ARB2A: variants seen among roughly 807,000 people sequenced by gnomAD.
ARB2A encodes the protein ARB2 cotranscriptional regulator A.
At chr5:93,955,922 T>TA in the ARB2A span, among the ~76,000 whole-genome samples, 2 of 152,164 alleles carry the variant, frequency 1.3e-5, no homozygotes, top group African/African-American at 2.4e-5. Context: ...TGGAAATGCC[T>TA]AAAAAGGTGT....
At chr5:94,101,150 G>A in the ARB2A span, among the ~76,000 whole-genome samples, 1 of 152,006 alleles carries the variant, frequency 6.6e-6, no homozygotes, top group South Asian at 2.1e-4. Context: ...CAAAAGACAT[G>A]AACAGATACT....
chr5:93,715,334 A>AT, the ARB2A span, among the ~76,000 whole-genome samples: 2 of 152,340 alleles, frequency 1.3e-5, no homozygotes, highest in East Asian at 3.9e-4. Flanking sequence ...TTTAAAATTT[A>AT]TTACAAATAC....
At chr5:93,830,349 A>ATATG in the ARB2A span, among the ~76,000 whole-genome samples, 6 of 141,606 alleles carry the variant, frequency 4.2e-5, no homozygotes, top group East Asian at 1.2e-3. Flanking sequence ...ATATATATAT[A>ATATG]TATCCACACA....
the ARB2A span, among the ~76,000 whole-genome samples, chr5:93,852,140 G>A: frequency 6.6e-6 from 1 of 152,054 alleles, no homozygotes; most frequent in East Asian, 1.9e-4. Context: ...TTTAATGATT[G>A]CCATTCTAAC....
the ARB2A span, among the ~76,000 whole-genome samples, chr5:93,676,965 A>G: frequency 1.3e-5 from 2 of 152,150 alleles, no homozygotes; most frequent in East Asian, 1.9e-4. Flanking sequence ...TTCCTTCTGT[A>G]ACCTCAATAG....
chr5:93,956,089 C>T, the ARB2A span, among the ~76,000 whole-genome samples: 1 of 152,208 alleles, frequency 6.6e-6, no homozygotes, highest in Non-Finnish European at 1.5e-5. Context: ...AGAATATTAG[C>T]GATGGCAACC....
At chr5:94,100,217 T>A in the ARB2A span, among the ~76,000 whole-genome samples, 1 of 152,076 alleles carries the variant, frequency 6.6e-6, no homozygotes, top group Non-Finnish European at 1.5e-5. Context: ...TACCTAGGAA[T>A]GCAGTTAATC....
the ARB2A span, among the ~76,000 whole-genome samples, chr5:94,069,671 T>C: frequency 6.6e-6 from 1 of 152,070 alleles, no homozygotes; most frequent in Non-Finnish European, 1.5e-5. Context: ...AAATGGCCAA[T>C]AGGTATGTTA....
At chr5:94,004,998 C>CAAAAAAAAAAAAAAAAAAAAA in the ARB2A span, among the ~76,000 whole-genome samples, 8 of 12,552 alleles carry the variant, frequency 6.4e-4, 1 homozygote, top group Non-Finnish European at 1.1e-3. Flanking sequence ...ATTTTATCAG[C>CAAAAAAAAAAAAAAAAAAAAA]AAAAAAAAAA....
chr5:93,824,213 G>A, the ARB2A span: 1 of 1,593,504 alleles, frequency 6.3e-7, no homozygotes, highest in Non-Finnish European at 8.5e-7. Context: ...GCAGCAGCCT[G>A]AGCTATGAAA....
chr5:93,734,122 G>A, the ARB2A span: 1 of 152,116 alleles, frequency 6.6e-6, no homozygotes, highest in Non-Finnish European at 1.5e-5. Context: ...ATTTCTTAGA[G>A]AATAAGAAAA....
the ARB2A span, among the ~76,000 whole-genome samples, chr5:93,760,385 G>A: frequency 6.6e-6 from 1 of 152,112 alleles, no homozygotes; most frequent in Non-Finnish European, 1.5e-5. Context: ...ATTCTTCACA[G>A]AATTAGAAAA....
At chr5:94,107,025 A>G in the ARB2A span, among the ~76,000 whole-genome samples, 142 of 152,162 alleles carry the variant, frequency 9.3e-4, 1 homozygote, top group Non-Finnish European at 1.3e-3. Flanking sequence ...AAAACTACCT[A>G]TCGGGTCACT....
the ARB2A span, among the ~76,000 whole-genome samples, chr5:93,728,791 T>G: frequency 6.6e-6 from 1 of 152,086 alleles, no homozygotes; most frequent in African/African-American, 2.4e-5. Flanking sequence ...GAAGAATTAT[T>G]TTTTGTCTTG....
chr5:93,887,971 G>A, the ARB2A span, among the ~76,000 whole-genome samples: 14 of 151,812 alleles, frequency 9.2e-5, no homozygotes, highest in African/African-American at 3.1e-4. Flanking sequence ...TGTTCCCTTA[G>A]GAGTCTGTAA....
At chr5:93,740,736 C>G in the ARB2A span, 3 of 1,612,712 alleles carry the variant, frequency 1.9e-6, no homozygotes, top group Non-Finnish European at 2.5e-6. Flanking sequence ...TCCCCACAAT[C>G]TCCCGTGGGG....
chr5:93,875,412 A>G, the ARB2A span, among the ~76,000 whole-genome samples: 5 of 152,002 alleles, frequency 3.3e-5, no homozygotes, highest in African/African-American at 1.2e-4. Context: ...TTGTATTTTT[A>G]GTAGTGACAG....
At chr5:93,846,476 T>G in the ARB2A span, among the ~76,000 whole-genome samples, 1 of 152,012 alleles carries the variant, frequency 6.6e-6, no homozygotes, top group South Asian at 2.1e-4. Context: ...CACTCCAGCC[T>G]GGGCAACAGA....
At chr5:93,796,059 G>A in the ARB2A span, among the ~76,000 whole-genome samples, 3 of 152,172 alleles carry the variant, frequency 2.0e-5, no homozygotes, top group South Asian at 2.1e-4. Context: ...GGCGTAATAC[G>A]CTGAAACCTG....
Sources: gnomAD v4.1 joint callset for allele counts (sites outside exome capture counted in the v4.1 genomes callset) on GRCh38, gnomAD v4.1.1 for gene constraint, MANE v1.5 for transcripts, NCBI Gene and HGNC (gene_info 2026-07-23, HGNC 2026-07-21) for gene names.